MAST2: variants seen among roughly 807,000 people sequenced by gnomAD.
MAST2 encodes microtubule-associated serine/threonine-protein kinase 2.
A neutral mutation model predicts 147.4 loss-of-function variants in MAST2; 70 were observed. That is an observed-to-expected ratio of 0.47 (90% CI 0.39 to 0.58). The LOEUF is 0.58. MAST2 is among the 20% of genes least tolerant of loss of function. MAST2 has a pLI of 0.00. For missense variants in MAST2, 2,080 were observed against 2,302.3 expected (o/e 0.90, Z 1.98); for synonymous variants, 869 against 896.8 (o/e 0.97, Z 0.55).
At chr1:46,016,544 A>G (rs550838429) in intron 10 of MAST2, among the ~76,000 whole-genome samples, 294 of 135,218 alleles carry the variant, frequency 2.2e-3, no homozygotes, top group African/African-American at 6.3e-3. Context: ...ATAACAGACA[A>G]ACAGCCAAAT....
At chr1:46,032,080 CTCTG>C (rs1354818039) in intron 24 of MAST2, 94 bp from the exon 25 acceptor site, 1 of 931,358 alleles carries the variant, frequency 1.1e-6, no homozygotes, top group Non-Finnish European at 1.7e-6. Flanking sequence ...TAGGCTCAGG[CTCTG>C]TCTGTGACTA....
At chr1:45,946,243 A>G (rs1313979271) in intron 4 of MAST2, among the ~76,000 whole-genome samples, 5 of 151,716 alleles carry the variant, frequency 3.3e-5, no homozygotes, top group African/African-American at 2.4e-5. Context: ...GTGAATGTCA[A>G]CTGCAAATAA....
At chr1:45,926,344 C>A (rs1241578888) in intron 4 of MAST2, among the ~76,000 whole-genome samples, 2 of 152,152 alleles carry the variant, frequency 1.3e-5, no homozygotes, top group Non-Finnish European at 2.9e-5. Context: ...GTTGCTAATT[C>A]TTAGCACTTC....
intron 5 of MAST2, among the ~76,000 whole-genome samples, chr1:45,971,269 G>A (rs1643903304): frequency 6.6e-6 from 1 of 152,184 alleles, no homozygotes; most frequent in Non-Finnish European, 1.5e-5. Context: ...AGCAATCAGG[G>A]AATAGCCCTC....
At position 46,031,586 on chromosome 1, in the gene MAST2, G is replaced by C. The variant is rs758745815; in HGVS notation, c.3187+1G>C. 12 of 1,609,718 alleles carry C rather than the reference G, an allele frequency of 7.5e-6. No individual in the cohort carries two copies. The highest frequency in any genetic ancestry group is 9.3e-6 in the Non-Finnish European group (11 of 1,176,476). ...GCCCTCTCACTCCTCATTCCTTCGG[G>C]TGAGGCCCCTGGGGAGCTGGGATAA... On this transcript the variant is annotated splice_donor_variant, in intron 24 of 28. Transcript: ENST00000361297. LOFTEE classifies it high-confidence loss of function. This position sits in a 1 kb window ranked among gnomAD's most constrained non-coding sequence, Gnocchi z 4.1.
At chr1:45,880,931 T>C (rs188202760) in intron 3 of MAST2, among the ~76,000 whole-genome samples, 1 of 136,550 alleles carries the variant, frequency 7.3e-6, no homozygotes, top group East Asian at 2.1e-4. Context: ...TGAACCGAGA[T>C]CGGCCAGCCT....
intron 5 of MAST2, among the ~76,000 whole-genome samples, chr1:45,993,641 G>A (rs1644934024): frequency 6.6e-6 from 1 of 152,028 alleles, no homozygotes; most frequent in African/African-American, 2.4e-5. Context: ...CCAAGGTTGC[G>A]CCATTGCACT....
Position 46,027,743 on chromosome 1 carries a change from A to T in MAST2, c.1932A>T (p.Thr644=). ...TTCGTTCTTCCAGCCTCCTAATTAC[A>T]TCCATGGGGCACATCAAGCTCACGG... ...RDLKPDNLLI[T]SMGHIKLTDF... Residue 644 remains threonine, a synonymous_variant, in exon 17 of 29, where the codon ACA becomes ACT. Transcript: ENST00000361297. 6.2e-7 allele frequency: 1 copy of T among 1,609,954 alleles called. No individual in the cohort carries two copies. The highest frequency in any genetic ancestry group is 8.5e-7 in the Non-Finnish European group (1 of 1,178,852).
At chr1:46,022,199 G>A (rs1646217449) in intron 12 of MAST2, 117 bp downstream of exon 12, 2 of 1,349,156 alleles carry the variant, frequency 1.5e-6, no homozygotes, top group Non-Finnish European at 1.0e-6. Context: ...ATGGCCCCGG[G>A]GGCCTCAGGA....
At chr1:45,937,234 CTT>C (rs35306253) in intron 4 of MAST2, among the ~76,000 whole-genome samples, 1 of 150,530 alleles carries the variant, frequency 6.6e-6, no homozygotes, top group East Asian at 1.9e-4. Context: ...CCATGGGCAG[CTT>C]TTTTTTTTAA....
intron 4 of MAST2, among the ~76,000 whole-genome samples, chr1:45,912,608 G>T (rs1184949377): frequency 6.6e-6 from 1 of 152,166 alleles, no homozygotes; most frequent in African/African-American, 2.4e-5. Context: ...AGTTTGATAC[G>T]CTTTGTCATC....
rs765801654 is a variant in MAST2, at chr1:46,034,578, C to G, written c.3909C>G (p.Ser1303Arg). ...NSSQSSSPSSSVPSSPAGSGH... is the reference protein window; with the variant it reads ...NSSQSSSPSSRVPSSPAGSGH... The stretch of plus-strand genomic sequence containing the variant: ...CACAGAGCAGCTCCCCCAGCTCCAG[C>G]GTGCCCAGTTCCCCAGCCGGCTCTG... The change falls in exon 29 of 29, where the codon AGC becomes AGG. Residue 1303 changes from serine (S) to arginine (R), a missense_variant. By Grantham distance (110) the Ser-to-Arg change is moderately radical (BLOSUM62 -1). Around this residue, in one of 4 missense-constraint regions of MAST2, gnomAD observed 1,278 missense variants for 1,304.2 expected, o/e 0.98. Transcript: ENST00000361297. The G allele has an allele frequency of 3.1e-6, 5 of 1,613,830 alleles. No individual in the cohort carries two copies. The highest frequency in any genetic ancestry group is 4.2e-6 in the Non-Finnish European group (5 of 1,179,980).
At chr1:45,874,041 G>A (rs913310491) in intron 3 of MAST2, among the ~76,000 whole-genome samples, 2 of 152,052 alleles carry the variant, frequency 1.3e-5, no homozygotes, top group African/African-American at 2.4e-5. Flanking sequence ...GTCTGGTCTC[G>A]AACTCCTGAG....
intron 4 of MAST2, among the ~76,000 whole-genome samples, chr1:45,891,631 C>T (rs541933207): frequency 6.6e-6 from 1 of 151,960 alleles, no homozygotes; most frequent in East Asian, 1.9e-4. Flanking sequence ...ATCTAGTAAC[C>T]TTTTTTTCTT....
chr1:46,011,219 T>A (rs1645701872), intron 10 of MAST2: 1 of 411,424 alleles, frequency 2.4e-6, no homozygotes, highest in South Asian at 2.7e-5. Context: ...GTAGTAGTCA[T>A]AAGTATTTGA....
chr1:45,979,585 G>A (rs4660901), intron 5 of MAST2, among the ~76,000 whole-genome samples: 121,190 of 152,070 alleles, frequency 0.8, 48,761 homozygotes, highest in East Asian at 0.98. Context: ...CACCTGTAAT[G>A]TCAACACCTG....
At chr1:45,923,037 AT>A (rs1653785291) in intron 4 of MAST2, among the ~76,000 whole-genome samples, 1 of 152,046 alleles carries the variant, frequency 6.6e-6, no homozygotes, top group Non-Finnish European at 1.5e-5. Flanking sequence ...CCCCTGAAGC[AT>A]GGCCCCAGCT....
At chr1:45,877,611 A>T in intron 3 of MAST2, among the ~76,000 whole-genome samples, 1 of 152,200 alleles carries the variant, frequency 6.6e-6, no homozygotes, top group East Asian at 1.9e-4. Context: ...TATATAGGCC[A>T]GTCTTACTTA....
chr1:45,993,554 C>T (rs963930065), intron 5 of MAST2, among the ~76,000 whole-genome samples: 11 of 151,960 alleles, frequency 7.2e-5, no homozygotes, highest in Non-Finnish European at 1.2e-4. Flanking sequence ...CATGGTGGCG[C>T]GTGCCTGTAA....
Sources: gnomAD v4.1 joint callset for allele counts (sites outside exome capture counted in the v4.1 genomes callset) on GRCh38, gnomAD v4.1.1 for gene constraint, gnomAD v4.1.1 regional missense constraint, Gnocchi (gnomAD v3.1) non-coding constraint, MANE v1.5 for transcripts, NCBI Gene and HGNC (gene_info 2026-07-23, HGNC 2026-07-21) for gene names.